KIR3DL3: variants seen among roughly 807,000 people sequenced by gnomAD.
KIR3DL3 encodes killer cell immunoglobulin-like receptor 3DL3.
A neutral mutation model predicts 34.9 loss-of-function variants in KIR3DL3; 27 were observed. The observed-to-expected ratio is 0.77, with a 90% confidence interval of 0.57 to 1.07. The LOEUF is 1.07. Among genes scored for constraint, KIR3DL3 ranks in the 50% least tolerant of loss-of-function variants. The pLI, the probability that KIR3DL3 is intolerant of heterozygous loss-of-function variation, is 0.00. For missense variants in KIR3DL3, 681 were observed against 528.5 expected (o/e 1.29, Z -2.83); for synonymous variants, 217 against 200.2 (o/e 1.08, Z -0.71).
intron 5 of KIR3DL3, among the ~76,000 whole-genome samples, chr19:54,730,388 T>C (rs1218962197): frequency 6.7e-6 from 1 of 149,586 alleles, no homozygotes; most frequent in East Asian, 2.0e-4. Context: ...AATCCATCTG[T>C]ACTAAAAATA....
chr19:54,735,132 A>T (rs2069334434), intron 5 of KIR3DL3, 121 bp from the exon 6 acceptor site: 4 of 798,392 alleles, frequency 5.0e-6, no homozygotes, highest in Non-Finnish European at 8.7e-6. Context: ...GTCTCCCGCC[A>T]TCTGGGTGCT....
chr19:54,725,418 G>A (rs1409855514), intron 2 of KIR3DL3, 136 bp downstream of exon 2: 2 of 743,334 alleles, frequency 2.7e-6, no homozygotes, highest in East Asian at 5.3e-5. Flanking sequence ...CATGAACTAG[G>A]AAAAGGAAGC....
At position 54,735,977 on chromosome 19, in the gene KIR3DL3, G is replaced by C; in HGVS notation, c.1114G>C (p.Asp372His). ...AGCATTTCCCTCCCTCCAGGACTCT[G>C]ATGAACAAGACCCTCAGGAGGTGAC... ...GNRTVNREDSDEQDPQEVTYA... is the reference protein window; with the variant it reads ...GNRTVNREDSHEQDPQEVTYA... The change falls in exon 8 of 8, where the codon GAT (aspartate) becomes CAT (histidine). Residue 372 changes from aspartate to histidine, a missense_variant. Coordinates refer to ENST00000291860, the MANE Select transcript of KIR3DL3 (RefSeq NM_153443.5). 1 of 1,612,980 alleles carries C rather than the reference G, an allele frequency of 6.2e-7. No individual in the cohort carries two copies. Among genetic ancestry groups the C allele is most frequent in the South Asian group, 1.1e-5 (1 of 90,992 alleles).
intron 5 of KIR3DL3, among the ~76,000 whole-genome samples, chr19:54,731,345 T>C (rs1346278290): frequency 4.6e-5 from 7 of 151,632 alleles, no homozygotes; most frequent in African/African-American, 1.7e-4. Context: ...TCTTCTCCTC[T>C]GTAATGGCTG....
chr19:54,725,359 C>A, intron 2 of KIR3DL3, 77 bp downstream of exon 2: 2 of 1,122,990 alleles, frequency 1.8e-6, no homozygotes, highest in Non-Finnish European at 2.5e-6. Context: ...GCAGGCGACA[C>A]AGGGGGTTGA....
chr19:54,733,272 C>T (rs1201856506), intron 5 of KIR3DL3, among the ~76,000 whole-genome samples: 1 of 152,084 alleles, frequency 6.6e-6, no homozygotes, highest in Non-Finnish European at 1.5e-5. Context: ...GGGGCTCACA[C>T]CTGTAACCCA....
intron 5 of KIR3DL3, among the ~76,000 whole-genome samples, chr19:54,732,058 G>T (rs1235459214): frequency 1.9e-4 from 29 of 152,250 alleles, no homozygotes; most frequent in African/African-American, 6.5e-4. Flanking sequence ...ACATTTTGGG[G>T]GTGGGGCAGC....
At position 54,725,254 on chromosome 19, in the gene KIR3DL3, C is replaced by T; in HGVS notation, c.42C>T (p.Phe14=). 6.3e-7 allele frequency: 1 copy of T among 1,593,658 alleles called. No homozygotes were observed. The highest frequency in any genetic ancestry group is 8.6e-7 in the Non-Finnish European group (1 of 1,168,918). Residue 14 remains phenylalanine (F), a synonymous_variant, in exon 2 of 8, where the codon TTC becomes TTT. Coordinates refer to ENST00000291860, the MANE Select transcript of KIR3DL3 (RefSeq NM_153443.5). Reference sequence around the variant, plus strand: ...CATGATCTTTCTTTCCAGGGTTCTTCTTGCTGGAGGGGCCCTGGCCACATG... The same window carrying T: ...CATGATCTTTCTTTCCAGGGTTCTTTTTGCTGGAGGGGCCCTGGCCACATG... ...MVVSMACVGF[F]LLEGPWPHVG...
rs1281748997 is a variant in KIR3DL3 at position 54,728,493 on chromosome 19, A to G, written c.655+583A>G. ...CCCCATACTGGATTCTGAGGCTCAT[A>G]TTCAAATAGCACCACATGTTATAGG... On this transcript the variant is annotated intron_variant, in intron 4 of 7. Coordinates refer to ENST00000291860, the MANE Select transcript of KIR3DL3 (RefSeq NM_153443.5). 6.6e-5 allele frequency among the ~76,000 whole-genome samples: 10 copies of G among 151,388 alleles called. No homozygotes were observed. In the East Asian group the frequency reaches 2.0e-3, roughly 30 times the overall value.
At chr19:54,725,220 A>G in intron 1 of KIR3DL3, 27 bp from the exon 2 acceptor site, 1 of 1,573,526 alleles carries the variant, frequency 6.4e-7, no homozygotes, top group East Asian at 2.3e-5. Flanking sequence ...GTACAGATGG[A>G]TCATCCATCA....
chr19:54,726,484 G>A (rs1302329604), intron 3 of KIR3DL3, 147 bp downstream of exon 3: 21 of 1,103,210 alleles, frequency 1.9e-5, no homozygotes, highest in Middle Eastern at 3.1e-4. Context: ...AGTTGCTGTG[G>A]TGGGAAGAAT....
Position 54,727,612 on chromosome 19 carries a change from A to C in KIR3DL3, c.357A>C (p.Gly119=). 1 of 1,610,114 alleles carries C rather than the reference A, an allele frequency of 6.2e-7. No homozygotes were observed. The highest frequency in any genetic ancestry group is 1.1e-5 in the South Asian group (1 of 90,824). ...TGAACTCACAACCTCTCTTCTTAGG[A>C]GTCCACAGAAAACCTTCCCTCCTGG... ...PSNPVVIMVT[G]VHRKPSLLAH... Residue 119 remains glycine, a splice_region_variant and synonymous_variant, in exon 4 of 8, where the codon GGA becomes GGC. Transcript: ENST00000291860.
chr19:54,731,010 T>C (rs2068736195), intron 5 of KIR3DL3, among the ~76,000 whole-genome samples: 1 of 151,964 alleles, frequency 6.6e-6, no homozygotes, highest in African/African-American at 2.4e-5. Context: ...GTTTTTGTTT[T>C]TGTTTTTGTT....
At chr19:54,728,490 C>T (rs2068446071) in intron 4 of KIR3DL3, among the ~76,000 whole-genome samples, 1 of 150,690 alleles carries the variant, frequency 6.6e-6, no homozygotes, top group Non-Finnish European at 1.5e-5. Flanking sequence ...TTCTGAGGCT[C>T]ATATTCAAAT....
At chr19:54,732,818 C>T (rs111977642) in intron 5 of KIR3DL3, among the ~76,000 whole-genome samples, 5,783 of 152,214 alleles carry the variant, frequency 0.038, 363 homozygotes, top group African/African-American at 0.13. Context: ...AGATGGAGAG[C>T]ACACTGGGTA....
At position 54,735,362 on chromosome 19, in the gene KIR3DL3, G is replaced by C. The variant is rs113225082; in HGVS notation, c.1054+5G>C. 3,957 of 1,298,342 alleles carry C rather than the reference G, an allele frequency of 3.0e-3. 118 individuals are homozygous for C. In the African/African-American group the frequency reaches 0.052, roughly 17 times the overall value. The allele number at this position is 1,298,342 out of a possible 1,614,324, so 80.4% of individuals were successfully genotyped here. ...GCTGGTGTGCCAACAAAAAGAGTAA[G>C]TCTCACGAAGCAGAAGCCAGAGAGC... On this transcript the variant is annotated splice_donor_5th_base_variant and intron_variant, in intron 6 of 7. Transcript: ENST00000291860.
rs2067888488 is a variant in KIR3DL3, at chr19:54,724,462, C to T, written c.-35C>T. 17 of 1,612,426 alleles carry T rather than the reference C, an allele frequency of 1.1e-5. No individual in the cohort carries two copies. Among genetic ancestry groups the T allele is most frequent in the Non-Finnish European group, 1.4e-5 (16 of 1,180,006 alleles). ...ACATCCTGTGTGCTGCTGAACTGAGCTGGGGCGCAGCCGCCTGTCTGCACC... is the reference window on the plus strand; with the variant it reads ...ACATCCTGTGTGCTGCTGAACTGAGTTGGGGCGCAGCCGCCTGTCTGCACC... On this transcript the variant is annotated 5_prime_UTR_variant, in exon 1 of 8. Coordinates refer to ENST00000291860, the MANE Select transcript of KIR3DL3 (RefSeq NM_153443.5).
At chr19:54,733,978 G>T (rs1233234881) in intron 5 of KIR3DL3, among the ~76,000 whole-genome samples, 158 of 152,186 alleles carry the variant, frequency 1.0e-3, no homozygotes, top group Non-Finnish European at 1.8e-3. Context: ...AAACGACGGA[G>T]AGGGCGGTCC....
rs1165264404 is a variant in KIR3DL3, at chr19:54,730,207, C to A, written c.949+421C>A. On this transcript the variant is annotated intron_variant, in intron 5 of 7. Coordinates refer to ENST00000291860, the MANE Select transcript of KIR3DL3 (RefSeq NM_153443.5). Reference sequence around the variant, plus strand: ...GAAATATTTATTGAGGTGAAATATACCTATGTAATTTACCACCTTTACCAT... The same window carrying A: ...GAAATATTTATTGAGGTGAAATATAACTATGTAATTTACCACCTTTACCAT... 1.6e-4 allele frequency among the ~76,000 whole-genome samples: 24 copies of A among 151,588 alleles called. No homozygotes were observed. The East Asian group carries it at 4.5e-3, about 28-fold the overall frequency.
Sources: gnomAD v4.1 joint callset for allele counts (sites outside exome capture counted in the v4.1 genomes callset) on GRCh38, gnomAD v4.1.1 for gene constraint, MANE v1.5 for transcripts, NCBI Gene and HGNC (gene_info 2026-07-23, HGNC 2026-07-21) for gene names.